Variants in PAM observed in about 807,000 individuals in gnomAD.
PAM encodes the protein peptidylglycine alpha-amidating monooxygenase.
A neutral mutation model predicts 122.1 loss-of-function variants in PAM; 72 were observed. That is an observed-to-expected ratio of 0.59 (90% CI 0.49 to 0.72). The LOEUF is 0.72. Among genes scored for constraint, PAM ranks in the 30% least tolerant of loss-of-function variants. The pLI is 0.00. For synonymous variants in PAM, 389 were observed against 404.4 expected (o/e 0.96, Z 0.46); for missense variants, 1,106 against 1,183.7 (o/e 0.93, Z 0.96).
chr5:102,909,334 A>G (rs1800679879), intron 4 of PAM, among the ~76,000 whole-genome samples: 1 of 151,906 alleles, frequency 6.6e-6, no homozygotes, highest in Non-Finnish European at 1.5e-5. Flanking sequence ...GTCTCCTTGA[A>G]TAAAATAATT....
At position 103,026,676 on chromosome 5, in the gene PAM, T is replaced by C. The variant is rs78883220; in HGVS notation, c.2689+1342T>C. Reference sequence around the variant, plus strand: ...TGTCCCCAGCACAAATAATAGTTTCTGATACTAGTGGTTTAATAAATTGTT... The same window carrying C: ...TGTCCCCAGCACAAATAATAGTTTCCGATACTAGTGGTTTAATAAATTGTT... On this transcript the variant is annotated intron_variant, in intron 24 of 25. Transcript: ENST00000438793. 7.9e-3 allele frequency among the ~76,000 whole-genome samples: 1,204 copies of C among 152,288 alleles called. 20 individuals carry two copies. The highest frequency in any genetic ancestry group is 0.026 in the African/African-American group (1,097 of 41,556).
intron 7 of PAM, among the ~76,000 whole-genome samples, chr5:102,936,623 T>C (rs2151853847): frequency 6.6e-6 from 1 of 152,312 alleles, no homozygotes; most frequent in Admixed American, 6.5e-5. Context: ...GAAAGAATTA[T>C]GTGAGAGTCA....
intron 3 of PAM, among the ~76,000 whole-genome samples, chr5:102,894,584 T>C (rs1351801185): frequency 2.0e-5 from 3 of 151,652 alleles, no homozygotes; most frequent in African/African-American, 7.3e-5. Context: ...GTTTCCTAAA[T>C]TTACATCTTT....
At chr5:102,770,608 T>C (rs1755479656) in intron 1 of PAM, among the ~76,000 whole-genome samples, 1 of 152,172 alleles carries the variant, frequency 6.6e-6, no homozygotes, top group Admixed American at 6.6e-5. Flanking sequence ...TTTTCCAGCA[T>C]CAATCATGAT....
intron 24 of PAM, among the ~76,000 whole-genome samples, chr5:103,027,834 A>G (rs1407189393): frequency 1.3e-5 from 2 of 152,178 alleles, no homozygotes; most frequent in East Asian, 1.9e-4. Context: ...CATTTACTGT[A>G]TATCTATAGG....
At chr5:102,891,151 A>G (rs1794675806) in intron 3 of PAM, among the ~76,000 whole-genome samples, 1 of 151,926 alleles carries the variant, frequency 6.6e-6, no homozygotes, top group African/African-American at 2.4e-5. Flanking sequence ...AACAAAATTC[A>G]ACAAACTAAT....
intron 1 of PAM, among the ~76,000 whole-genome samples, chr5:102,762,260 T>C (rs1343329253): frequency 6.6e-6 from 1 of 152,224 alleles, no homozygotes; most frequent in Non-Finnish European, 1.5e-5. Context: ...TGTCTTGCCT[T>C]GTGCCTCTGT....
At chr5:102,779,222 G>GTGTGTATATATATGTGTATATATATA (rs1757949587) in intron 1 of PAM, among the ~76,000 whole-genome samples, 1 of 150,512 alleles carries the variant, frequency 6.6e-6, no homozygotes, top group Non-Finnish European at 1.5e-5. Context: ...ATATATATGT[G>GTGTGTATATATATGTGTATATATATA]TGTGTATATA....
rs569586032 is a variant in PAM, at chr5:103,026,301, A to T, written c.2689+967A>T. Among the ~76,000 whole-genome samples the T allele has an allele frequency of 1.5e-3, 223 of 152,284 alleles. 1 individual carries two copies. The highest frequency in any genetic ancestry group is 2.2e-3 in the Non-Finnish European group (148 of 68,014). ...GGATCAGGGAGAGGGGGAGCATTTG[A>T]TCAAGAAACAGCATCTGATCCTATT... On this transcript the variant is annotated intron_variant, in intron 24 of 25. Coordinates refer to ENST00000438793, the MANE Select transcript of PAM (RefSeq NM_001177306.2).
Position 103,009,942 on chromosome 5 carries a change from A to C in PAM, c.2331+76A>C, listed in dbSNP as rs139754655. The C allele has an allele frequency of 4.1e-3, 2,612 of 639,378 alleles. 47 individuals carry two copies. The African/African-American group carries it at 0.045, about 11-fold the overall frequency. The allele number at this position is 639,378 out of a possible 1,614,324, so 39.6% of individuals were successfully genotyped here. On this transcript the variant is annotated intron_variant, in intron 21 of 25. Transcript: ENST00000438793. ...ATATAAATCTTGGCATTCAATCTGT[A>C]CTTGAATAGCTTTAGAAAAACTTTT...
At chr5:102,844,773 A>G (rs1779558274) in intron 1 of PAM, among the ~76,000 whole-genome samples, 1 of 152,206 alleles carries the variant, frequency 6.6e-6, no homozygotes, top group Non-Finnish European at 1.5e-5. Flanking sequence ...TAACTTGTCC[A>G]GGGTTCCACA....
intron 14 of PAM, 140 bp downstream of exon 14, chr5:102,961,369 A>G: frequency 1.9e-6 from 1 of 531,500 alleles, no homozygotes; most frequent in South Asian, 2.7e-5. Flanking sequence ...TATACAATGC[A>G]TAATTCATGA....
intron 1 of PAM, chr5:102,807,988 T>C (rs1440486874): frequency 6.6e-6 from 1 of 152,212 alleles, no homozygotes; most frequent in Non-Finnish European, 1.5e-5. Context: ...CATTTCCTAC[T>C]TAGCAAATCC....
At chr5:102,926,322 T>C (rs1749523377) in intron 6 of PAM, among the ~76,000 whole-genome samples, 1 of 152,238 alleles carries the variant, frequency 6.6e-6, no homozygotes, top group Non-Finnish European at 1.5e-5. Context: ...TCTTTCAAAA[T>C]GAGTGAATTG....
intron 1 of PAM, among the ~76,000 whole-genome samples, chr5:102,763,508 C>T (rs1193127550): frequency 6.6e-6 from 1 of 152,074 alleles, no homozygotes; most frequent in African/African-American, 2.4e-5. Context: ...ACAACAACAA[C>T]AACAACAAAT....
chr5:102,871,895 C>T (rs1024399631), intron 3 of PAM, among the ~76,000 whole-genome samples: 1 of 151,502 alleles, frequency 6.6e-6, no homozygotes, highest in Admixed American at 6.6e-5. Flanking sequence ...TTGCTATTTG[C>T]TCAACTTAGG....
At chr5:102,938,904 G>A (rs1325007656) in intron 7 of PAM, among the ~76,000 whole-genome samples, 2 of 151,998 alleles carry the variant, frequency 1.3e-5, no homozygotes, top group African/African-American at 4.8e-5. Context: ...GTTCCCCACT[G>A]CTCTCTTCAT....
intron 1 of PAM, among the ~76,000 whole-genome samples, chr5:102,820,845 G>A (rs1405986356): frequency 1.3e-5 from 2 of 152,226 alleles, no homozygotes; most frequent in Non-Finnish European, 1.5e-5. Flanking sequence ...AAAGAATAAA[G>A]GAATTAAATT....
intron 15 of PAM, among the ~76,000 whole-genome samples, chr5:102,987,252 T>C (rs928312192): frequency 6.6e-6 from 1 of 152,026 alleles, no homozygotes; most frequent in African/African-American, 2.4e-5. Flanking sequence ...CAGCAACATG[T>C]GTGAAACTGG....
Sources: gnomAD v4.1 joint callset for allele counts (sites outside exome capture counted in the v4.1 genomes callset) on GRCh38, gnomAD v4.1.1 for gene constraint, MANE v1.5 for transcripts, NCBI Gene and HGNC (gene_info 2026-07-23, HGNC 2026-07-21) for gene names.